Variants in CCDC91 observed in about 807,000 individuals in gnomAD.
The protein encoded by CCDC91 is coiled-coil domain containing 91.
A neutral mutation model predicts 63.2 loss-of-function variants in CCDC91; 48 were observed. That is an observed-to-expected ratio of 0.76 (90% CI 0.60 to 0.97). The LOEUF (loss-of-function observed/expected upper bound fraction) is 0.97, where lower values mean the gene tolerates loss of function less well. Ranked by LOEUF, CCDC91 falls within the 50% of genes least tolerant of loss-of-function variation. The pLI, the probability that CCDC91 is intolerant of heterozygous loss-of-function variation, is 0.00. For missense variants in CCDC91, 500 were observed against 494.6 expected (o/e 1.01, Z -0.10); for synonymous variants, 167 against 165.8 (o/e 1.01, Z -0.06).
intron 3 of CCDC91, among the ~76,000 whole-genome samples, chr12:28,282,170 T>A (rs967752777): frequency 6.6e-6 from 1 of 152,182 alleles, no homozygotes; most frequent in African/African-American, 2.4e-5. Flanking sequence ...TAATGCGTTT[T>A]ATTTTTCTTA....
chr12:28,491,186 A>G (rs1951983254), intron 12 of CCDC91, among the ~76,000 whole-genome samples: 1 of 151,798 alleles, frequency 6.6e-6, no homozygotes, highest in South Asian at 2.1e-4. Context: ...ATCTCTTTTT[A>G]TGTAATGATT....
At chr12:28,256,250 A>G (rs1011025624) in intron 1 of CCDC91, among the ~76,000 whole-genome samples, 1 of 152,136 alleles carries the variant, frequency 6.6e-6, no homozygotes, top group Non-Finnish European at 1.5e-5. Flanking sequence ...AAATAAACCA[A>G]TTATTACTGA....
chr12:28,376,020 G>A (rs895812948), intron 7 of CCDC91, among the ~76,000 whole-genome samples: 24 of 151,754 alleles, frequency 1.6e-4, no homozygotes, highest in African/African-American at 5.3e-4. Flanking sequence ...AATTATTTGT[G>A]TTGCTTTTTA....
chr12:28,217,000 G>A (rs1454888136), intron 1 of CCDC91, among the ~76,000 whole-genome samples: 11 of 152,018 alleles, frequency 7.2e-5, no homozygotes, highest in Non-Finnish European at 1.6e-4. Flanking sequence ...TATGGATAAA[G>A]GAATTACAGT....
At chr12:28,437,580 T>C (rs1416626581) in intron 8 of CCDC91, among the ~76,000 whole-genome samples, 1 of 152,096 alleles carries the variant, frequency 6.6e-6, no homozygotes, top group Non-Finnish European at 1.5e-5. Context: ...TTCAATATTA[T>C]GTACTGGTCT....
chr12:28,209,872 C>G (rs1026800114), intron 1 of CCDC91, among the ~76,000 whole-genome samples: 5 of 152,198 alleles, frequency 3.3e-5, no homozygotes, highest in African/African-American at 1.2e-4. Context: ...ATTTCATTCT[C>G]CTCATACTTT....
At chr12:28,522,813 G>A (rs1229372927) in intron 12 of CCDC91, among the ~76,000 whole-genome samples, 1 of 152,108 alleles carries the variant, frequency 6.6e-6, no homozygotes, top group Non-Finnish European at 1.5e-5. Flanking sequence ...CTTTATTTCT[G>A]CCTTCATTTC....
chr12:28,529,933 A>G (rs1244582702), intron 12 of CCDC91, among the ~76,000 whole-genome samples: 3 of 152,206 alleles, frequency 2.0e-5, no homozygotes, highest in Non-Finnish European at 2.9e-5. Flanking sequence ...TTAGGTGAAT[A>G]TTGATTTACT....
chr12:28,441,998 G>C (rs1210789113), intron 8 of CCDC91, among the ~76,000 whole-genome samples: 2 of 151,940 alleles, frequency 1.3e-5, no homozygotes, highest in Non-Finnish European at 2.9e-5. Flanking sequence ...CAAGTAGGTA[G>C]TGGGTGGCAT....
Position 28,214,581 on chromosome 12 carries a change from T to TTG in CCDC91, c.-15+23956_-15+23957dup, listed in dbSNP as rs58203446. ...GTATTTCCATCTTATTTTGTTATGT[T>TTG]TGTGTGTGTGTGTGTGTTTGTTTTC... On this transcript the variant is annotated intron_variant, in intron 1 of 12. Transcript: ENST00000536442. 8.6e-3 allele frequency among the ~76,000 whole-genome samples: 1,307 copies of TTG among 151,604 alleles called. 13 individuals are homozygous for TTG. The highest frequency in any genetic ancestry group is 0.021 in the African/African-American group (874 of 41,344).
Position 28,396,446 on chromosome 12 carries a change from C to T in CCDC91, c.762+5035C>T, listed in dbSNP as rs191079879. 2.7e-3 allele frequency among the ~76,000 whole-genome samples: 411 copies of T among 152,028 alleles called. 4 individuals are homozygous for T. Among genetic ancestry groups the T allele is most frequent in the African/African-American group, 8.6e-3 (356 of 41,448 alleles). ...CTGTGGCTAAAGTATAAAAATTGAT[C>T]GGAGGGAATATTAGTAGCATGTAAA... is the stretch of plus-strand genomic sequence containing the variant. On this transcript the variant is annotated intron_variant, in intron 8 of 12. Coordinates refer to ENST00000536442, the MANE Select transcript of CCDC91 (RefSeq NM_018318.5).
intron 6 of CCDC91, among the ~76,000 whole-genome samples, chr12:28,335,443 G>T: frequency 6.8e-6 from 1 of 146,652 alleles, no homozygotes; most frequent in Admixed American, 6.9e-5. Context: ...TTGAGACCAG[G>T]TCTTGCTCTG....
intron 7 of CCDC91, among the ~76,000 whole-genome samples, chr12:28,387,903 A>C (rs1945704325): frequency 6.6e-6 from 1 of 152,192 alleles, no homozygotes; most frequent in Non-Finnish European, 1.5e-5. Context: ...GTACATACCC[A>C]GTAGTGGTAT....
chr12:28,450,182 C>A lies in CCDC91; in HGVS notation c.784C>A (p.Leu262Ile). Residue 262 changes from leucine (L) to isoleucine (I), a missense_variant, in exon 9 of 13, where the codon CTA becomes ATA. Leu to Ile is a conservative substitution (Grantham distance 5, BLOSUM62 2). Transcript: ENST00000536442. ...NAQHQRLLEM[L>I]DTEKELLKEK... ...GTAGCATCAGAGGCTCCTTGAAATG[C>A]TAGATACAGAGAAGGAACTGTTAAA... 6.2e-7 allele frequency: 1 copy of A among 1,605,850 alleles called. No individual in the cohort carries two copies. Among genetic ancestry groups the A allele is most frequent in the Non-Finnish European group, 8.5e-7 (1 of 1,175,538 alleles).
At chr12:28,450,565 G>A (rs962472673) in intron 10 of CCDC91, 147 bp downstream of exon 10, 2 of 601,442 alleles carry the variant, frequency 3.3e-6, no homozygotes, top group African/African-American at 1.9e-5. Context: ...CTTAAGATAT[G>A]ACTACTTATA....
At position 28,329,539 on chromosome 12, in the gene CCDC91, A is replaced by G. The variant is rs1214968516; in HGVS notation, c.576+21790A>G. On this transcript the variant is annotated intron_variant, in intron 6 of 12. Coordinates refer to ENST00000536442, the MANE Select transcript of CCDC91 (RefSeq NM_018318.5). Reference sequence around the variant, plus strand: ...TTTTATTTAAATAGGAATTTGAATCAGTAATTACTGACTAAATGACAGACA... The same window carrying G: ...TTTTATTTAAATAGGAATTTGAATCGGTAATTACTGACTAAATGACAGACA... 2.0e-5 allele frequency among the ~76,000 whole-genome samples: 3 copies of G among 152,304 alleles called. No homozygotes were observed. In the East Asian group the frequency reaches 5.8e-4, roughly 29 times the overall value.
chr12:28,387,749 A>T (rs1945692516), intron 7 of CCDC91, among the ~76,000 whole-genome samples: 1 of 152,160 alleles, frequency 6.6e-6, no homozygotes, highest in Non-Finnish European at 1.5e-5. Flanking sequence ...GTACTATTCC[A>T]TCATATATTT....
At chr12:28,487,939 A>G (rs573201361) in intron 12 of CCDC91, among the ~76,000 whole-genome samples, 1 of 151,854 alleles carries the variant, frequency 6.6e-6, no homozygotes, top group East Asian at 1.9e-4. Context: ...TTTTGCTTTT[A>G]AAAGACAGAA....
Position 28,432,948 on chromosome 12 carries a change from A to G in CCDC91, c.763-17213A>G, listed in dbSNP as rs79085210. Among the ~76,000 whole-genome samples the G allele has an allele frequency of 9.9e-5, 15 of 152,128 alleles. No individual in the cohort carries two copies. The East Asian group carries it at 2.9e-3, about 29-fold the overall frequency. On this transcript the variant is annotated intron_variant, in intron 8 of 12. Coordinates refer to ENST00000536442, the MANE Select transcript of CCDC91 (RefSeq NM_018318.5). Reference sequence around the variant, plus strand: ...ATGTAATAGTATCTCGTTTTAATTCACATTTCCCTGATATGGGAAATGTGA... The same window carrying G: ...ATGTAATAGTATCTCGTTTTAATTCGCATTTCCCTGATATGGGAAATGTGA...
Sources: gnomAD v4.1 joint callset for allele counts (sites outside exome capture counted in the v4.1 genomes callset) on GRCh38, gnomAD v4.1.1 for gene constraint, MANE v1.5 for transcripts, NCBI Gene and HGNC (gene_info 2026-07-23, HGNC 2026-07-21) for gene names.